Variants in HMGCS2 observed in about 807,000 individuals in gnomAD.
HMGCS2 encodes hydroxymethylglutaryl-CoA synthase, mitochondrial.
HMGCS2 carries 50 observed loss-of-function variants against 57.4 expected under a neutral mutation model. The ratio of observed to expected loss-of-function variants is 0.87; its 90% CI spans 0.69 to 1.10. The LOEUF (loss-of-function observed/expected upper bound fraction) is 1.10, where lower values mean the gene tolerates loss of function less well. HMGCS2 is among the 50% of genes least tolerant of loss of function. HMGCS2 has a pLI of 0.00. For missense variants in HMGCS2, 627 were observed against 636.5 expected (o/e 0.99, Z 0.16); for synonymous variants, 254 against 245.1 (o/e 1.04, Z -0.34).
At chr1:119,765,154 G>A (rs1284264310) in intron 1 of HMGCS2, among the ~76,000 whole-genome samples, 1 of 152,114 alleles carries the variant, frequency 6.6e-6, no homozygotes, top group Non-Finnish European at 1.5e-5. Context: ...TGTCACCCAA[G>A]CTGGAGTGCA....
At chr1:119,757,867 T>C (rs1318158247) in intron 4 of HMGCS2, among the ~76,000 whole-genome samples, 1 of 152,244 alleles carries the variant, frequency 6.6e-6, no homozygotes, top group Non-Finnish European at 1.5e-5. Context: ...TCTCTGCCCT[T>C]AGGAAATATT....
chr1:119,751,186 A>C (rs1415702901), intron 8 of HMGCS2, among the ~76,000 whole-genome samples: 1 of 152,166 alleles, frequency 6.6e-6, no homozygotes, highest in Non-Finnish European at 1.5e-5. Context: ...GCCTTCCTCC[A>C]TTGAAATCTT....
chr1:119,750,405 A>T (rs1247998552), intron 9 of HMGCS2, among the ~76,000 whole-genome samples: 1 of 152,222 alleles, frequency 6.6e-6, no homozygotes, highest in Non-Finnish European at 1.5e-5. Flanking sequence ...AGAGCTTCCT[A>T]TCTTCAGCAG....
chr1:119,759,455 A>G, intron 3 of HMGCS2, 173 bp from the exon 4 acceptor site: 1 of 693,884 alleles, frequency 1.4e-6, no homozygotes, highest in Non-Finnish European at 2.5e-6. Context: ...GGTTGTTGGT[A>G]TTACAAAAAT....
chr1:119,761,422 C>T (rs1054682189), intron 2 of HMGCS2, among the ~76,000 whole-genome samples: 1 of 151,954 alleles, frequency 6.6e-6, no homozygotes, highest in African/African-American at 2.4e-5. Context: ...ATTTACAATA[C>T]TTACAATCAA....
chr1:119,757,174 C>T (rs977941678), intron 5 of HMGCS2, 99 bp downstream of exon 5: 157 of 1,592,130 alleles, frequency 9.9e-5, no homozygotes, highest in Non-Finnish European at 1.3e-4. Context: ...TGCCATTTGT[C>T]CCCCACAGGG....
chr1:119,756,275 T>C (rs931112489), intron 5 of HMGCS2, among the ~76,000 whole-genome samples: 2 of 152,200 alleles, frequency 1.3e-5, no homozygotes, highest in Admixed American at 6.5e-5. Flanking sequence ...TAAAATGTGA[T>C]CATATACATG....
chr1:119,760,917 C>T (rs1653015723), intron 2 of HMGCS2, among the ~76,000 whole-genome samples: 1 of 151,960 alleles, frequency 6.6e-6, no homozygotes, highest in Non-Finnish European at 1.5e-5. Context: ...GCCACTTGCC[C>T]AAAAACCACA....
Position 119,751,043 on chromosome 1 carries a change from T to TTAGTCC in HMGCS2, c.1421-141_1421-136dup, listed in dbSNP as rs1288350567. The TTAGTCC allele has an allele frequency of 7.3e-5, 50 of 688,708 alleles. No homozygotes were observed. In the East Asian group the frequency reaches 1.4e-3, roughly 19 times the overall value. The allele number at this position is 688,708 out of a possible 1,614,324, so 42.7% of individuals were successfully genotyped here. A position where few individuals can be genotyped will look rare whatever the true frequency, so the allele number is the denominator to read the frequency against. On this transcript the variant is annotated intron_variant, in intron 8 of 9. Transcript: ENST00000369406. ...GCTGTAAGGGGCTGCAAGGTCACCCTTAGTCCACCAAATAGAACACTGGAC... is the reference window on the plus strand; with the variant it reads ...GCTGTAAGGGGCTGCAAGGTCACCCTTAGTCCTAGTCCACCAAATAGAACACTGGAC...
intron 5 of HMGCS2, among the ~76,000 whole-genome samples, chr1:119,757,003 T>TTTCTCCCTTTCTCG (rs1652863855): frequency 2.6e-5 from 4 of 152,226 alleles, no homozygotes; most frequent in Non-Finnish European, 5.9e-5. Context: ...TCCCTTTCTC[T>TTTCTCCCTTTCTCG]CTTTCTTTCT....
chr1:119,768,791 C>G lies in HMGCS2; in HGVS notation c.54G>C (p.Val18=), dbSNP rs1557996139. ...VKRILQLTRA[V]QETSLTPARL... ...GAGCAGGTGTGAGGGAGGTTTCCTG[C>G]ACCGCTCTTGTCAGTTGCAGAATGC... Residue 18 remains valine (V), a synonymous_variant, in exon 1 of 10, where the codon GTG becomes GTC. Coordinates refer to ENST00000369406, the MANE Select transcript of HMGCS2 (RefSeq NM_005518.4). 1.2e-6 allele frequency: 2 copies of G among 1,614,126 alleles called. No individual in the cohort carries two copies. Among genetic ancestry groups the G allele is most frequent in the Middle Eastern group, 1.6e-4 (1 of 6,062 alleles).
At position 119,763,989 on chromosome 1, in the gene HMGCS2, T is replaced by C. The variant is rs764666445; in HGVS notation, c.559+183A>G. On this transcript the variant is annotated intron_variant, in intron 2 of 9. Coordinates refer to ENST00000369406, the MANE Select transcript of HMGCS2 (RefSeq NM_005518.4). ...AATTAAATGAATGGCTATGTGAACA[T>C]GCTACCTAACTGTAAAGCTATATAA... Among the ~76,000 whole-genome samples, 122 of 152,372 alleles carry C rather than the reference T, an allele frequency of 8.0e-4. 1 individual carries two copies. The highest frequency in any genetic ancestry group is 1.5e-3 in the Non-Finnish European group (101 of 68,042).
intron 9 of HMGCS2, among the ~76,000 whole-genome samples, chr1:119,750,360 G>A (rs1239663635): frequency 2.6e-5 from 4 of 152,136 alleles, no homozygotes; most frequent in African/African-American, 7.2e-5. Context: ...TTCACTCAAC[G>A]GATGCTCTGA....
At chr1:119,750,307 C>A (rs756362573) in intron 9 of HMGCS2, among the ~76,000 whole-genome samples, 1 of 152,196 alleles carries the variant, frequency 6.6e-6, no homozygotes, top group African/African-American at 2.4e-5. Context: ...TTGATCTCAT[C>A]CCCCTGGAGT....
In HMGCS2 at chr1:119,759,968, C is replaced by A; in HGVS notation, c.581G>T (p.Cys194Phe). Residue 194 changes from cysteine (C) to phenylalanine (F), a missense_variant, in exon 3 of 10, where the codon TGT (cysteine) becomes TTT (phenylalanine). Coordinates refer to ENST00000369406, the MANE Select transcript of HMGCS2 (RefSeq NM_005518.4). Reference protein sequence around the residue: ...SWDGRYAMVVCGDIAVYPSGN... With the variant: ...SWDGRYAMVVFGDIAVYPSGN... ...ACTGGGATAGACGGCAATGTCTCCA[C>A]AGACCACCATGGCATAACGACCTGT... The A allele has an allele frequency of 6.2e-7, 1 of 1,614,118 alleles. No individual in the cohort carries two copies. Among genetic ancestry groups the A allele is most frequent in the Non-Finnish European group, 8.5e-7 (1 of 1,179,954 alleles).
At chr1:119,760,996 C>T (rs1653018020) in intron 2 of HMGCS2, among the ~76,000 whole-genome samples, 1 of 151,906 alleles carries the variant, frequency 6.6e-6, no homozygotes, top group Non-Finnish European at 1.5e-5. Context: ...AATCCAGGGA[C>T]CTTCTCTTAA....
chr1:119,765,484 A>C (rs1309542666), intron 1 of HMGCS2, among the ~76,000 whole-genome samples: 2 of 152,092 alleles, frequency 1.3e-5, no homozygotes, highest in East Asian at 3.8e-4. Context: ...AGAGTAAGCA[A>C]ATATTTATTA....
At chr1:119,762,542 T>A (rs587763516) in intron 2 of HMGCS2, among the ~76,000 whole-genome samples, 1 of 151,830 alleles carries the variant, frequency 6.6e-6, no homozygotes, top group South Asian at 2.1e-4. Flanking sequence ...TTCTCTGGAG[T>A]GATTCAGAAC....
chr1:119,768,835 G>C lies in HMGCS2; in HGVS notation c.10C>G (p.Leu4Val). The C allele has an allele frequency of 6.2e-7, 1 of 1,613,374 alleles. No individual in the cohort carries two copies. The highest frequency in any genetic ancestry group is 8.5e-7 in the Non-Finnish European group (1 of 1,179,402). The change falls in exon 1 of 10, where the codon CTG becomes GTG. Residue 4 changes from leucine to valine, a missense_variant. Leu to Val is a conservative substitution (Grantham distance 32). Coordinates refer to ENST00000369406, the MANE Select transcript of HMGCS2 (RefSeq NM_005518.4). ...AGAATGCGCTTCACTGGAGTCAACA[G>C]ACGCTGCATCTCCAGAGGAGCAAGC... MQR[L>V]LTPVKRILQL...
Sources: gnomAD v4.1 joint callset for allele counts (sites outside exome capture counted in the v4.1 genomes callset) on GRCh38, gnomAD v4.1.1 for gene constraint, MANE v1.5 for transcripts, NCBI Gene and HGNC (gene_info 2026-07-23, HGNC 2026-07-21) for gene names.